Variants in DIS3L2 observed in about 807,000 individuals in gnomAD.
DIS3L2 encodes the protein DIS3-like exonuclease 2.
A neutral mutation model predicts 97.5 loss-of-function variants in DIS3L2; 34 were observed. That is an observed-to-expected ratio of 0.35 (90% confidence interval 0.27 to 0.46). The LOEUF (loss-of-function observed/expected upper bound fraction) is 0.46. DIS3L2 is among the 20% of genes least tolerant of loss of function. The probability of loss-of-function intolerance (pLI) is 1.00; values close to 1 mark genes in which losing one functional copy is unlikely to be tolerated. For missense variants in DIS3L2, 1,038 were observed against 1,146.0 expected (o/e 0.91, Z 1.36); for synonymous variants, 435 against 445.2 (o/e 0.98, Z 0.29).
intron 10 of DIS3L2, among the ~76,000 whole-genome samples, chr2:232,222,316 G>T (rs1347827330): frequency 8.0e-6 from 1 of 124,334 alleles, no homozygotes; most frequent in Admixed American, 8.6e-5. Flanking sequence ...GTCTCAGGCA[G>T]ATCCCAGGCA....
At chr2:231,981,597 T>TA (rs1693257806) in intron 1 of DIS3L2, among the ~76,000 whole-genome samples, 16 of 97,900 alleles carry the variant, frequency 1.6e-4, no homozygotes, top group Middle Eastern at 4.5e-3. Context: ...TGTTAAGTAT[T>TA]TTATATATAT....
intron 13 of DIS3L2, among the ~76,000 whole-genome samples, chr2:232,266,757 T>C (rs965063833): frequency 1.3e-5 from 2 of 152,250 alleles, no homozygotes; most frequent in Admixed American, 6.5e-5. Context: ...TGTTCTCTGA[T>C]GCTTTGTTTG....
At chr2:231,984,507 C>T (rs1338823941) in intron 1 of DIS3L2, among the ~76,000 whole-genome samples, 3 of 151,594 alleles carry the variant, frequency 2.0e-5, no homozygotes, top group Non-Finnish European at 4.4e-5. Flanking sequence ...CTGCCTCAGC[C>T]TCCCAAGTAG....
chr2:232,124,215 C>A (rs1697990472), intron 6 of DIS3L2, among the ~76,000 whole-genome samples: 1 of 152,066 alleles, frequency 6.6e-6, no homozygotes, highest in South Asian at 2.1e-4. Context: ...ACACAAACAA[C>A]AGAAGTGGCC....
intron 10 of DIS3L2, among the ~76,000 whole-genome samples, chr2:232,220,795 A>G (rs963124618): frequency 2.0e-5 from 3 of 152,102 alleles, no homozygotes; most frequent in Non-Finnish European, 4.4e-5. Flanking sequence ...TGTTGGTGAG[A>G]CATTGGAAAT....
intron 6 of DIS3L2, among the ~76,000 whole-genome samples, chr2:232,104,058 G>T (rs903745116): frequency 1.2e-4 from 18 of 151,484 alleles, no homozygotes; most frequent in African/African-American, 4.4e-4. Flanking sequence ...AATGGAAATA[G>T]ATTTCTGCCA....
At chr2:232,326,208 T>C (rs1285203097) in intron 14 of DIS3L2, among the ~76,000 whole-genome samples, 1 of 151,990 alleles carries the variant, frequency 6.6e-6, no homozygotes, top group African/African-American at 2.4e-5. Flanking sequence ...CGCCACCTGC[T>C]GGCCCACCAG....
intron 8 of DIS3L2, among the ~76,000 whole-genome samples, chr2:232,159,700 G>T (rs892521372): frequency 1.3e-5 from 2 of 152,110 alleles, no homozygotes; most frequent in Non-Finnish European, 2.9e-5. Flanking sequence ...TCTTCTTTCT[G>T]CTCCAAGGGA....
At chr2:232,125,028 A>T (rs1192631403) in intron 6 of DIS3L2, among the ~76,000 whole-genome samples, 3 of 152,202 alleles carry the variant, frequency 2.0e-5, no homozygotes, top group African/African-American at 7.2e-5. Context: ...CACCTCATTT[A>T]TACACACACG....
intron 6 of DIS3L2, among the ~76,000 whole-genome samples, chr2:232,090,270 C>T (rs1338235103): frequency 2.0e-5 from 3 of 152,056 alleles, no homozygotes; most frequent in Non-Finnish European, 2.9e-5. Context: ...TCACTGAGTA[C>T]GTTACAAGCC....
chr2:232,092,137 T>C (rs1283072366), intron 6 of DIS3L2, among the ~76,000 whole-genome samples: 1 of 152,228 alleles, frequency 6.6e-6, no homozygotes, highest in Non-Finnish European at 1.5e-5. Context: ...CTCAGCACCA[T>C]TTATTGAAGA....
At chr2:232,034,944 T>G (rs969041329) in intron 5 of DIS3L2, among the ~76,000 whole-genome samples, 29 of 152,364 alleles carry the variant, frequency 1.9e-4, no homozygotes, top group African/African-American at 7.0e-4. Context: ...GTATATTTTG[T>G]TGATTTGGGG....
chr2:232,063,615 A>G (rs1427060259), intron 5 of DIS3L2, among the ~76,000 whole-genome samples: 1 of 152,250 alleles, frequency 6.6e-6, no homozygotes, highest in Non-Finnish European at 1.5e-5. Context: ...CTCATGACCT[A>G]TGCTGCATTC....
chr2:232,207,304 A>G (rs1291141629), intron 9 of DIS3L2, among the ~76,000 whole-genome samples: 2 of 152,184 alleles, frequency 1.3e-5, no homozygotes, highest in Non-Finnish European at 2.9e-5. Flanking sequence ...TTGTGAGCCA[A>G]GTTCAAGATC....
chr2:232,013,666 G>A (rs929077868), intron 1 of DIS3L2, among the ~76,000 whole-genome samples: 9 of 152,160 alleles, frequency 5.9e-5, no homozygotes, highest in Admixed American at 5.9e-4. Context: ...ATTCTGTCTA[G>A]TGTAGTGCCC....
At chr2:232,079,626 GTAAA>G (rs1174687254) in intron 5 of DIS3L2, among the ~76,000 whole-genome samples, 6 of 103,276 alleles carry the variant, frequency 5.8e-5, no homozygotes, top group African/African-American at 2.4e-4. Flanking sequence ...AAAAAAAAAA[GTAAA>G]GAAAAGAAAG....
At chr2:232,173,351 C>T (rs538527722) in intron 9 of DIS3L2, among the ~76,000 whole-genome samples, 1 of 152,248 alleles carries the variant, frequency 6.6e-6, no homozygotes, top group South Asian at 2.1e-4. Context: ...CTGCCTCAGC[C>T]TCCCAAGTAG....
intron 14 of DIS3L2, among the ~76,000 whole-genome samples, chr2:232,308,346 C>A (rs1438481948): frequency 6.6e-6 from 1 of 152,212 alleles, no homozygotes; most frequent in African/African-American, 2.4e-5. Flanking sequence ...GCTGGCAGAT[C>A]CGTTGTCCCT....
intron 10 of DIS3L2, among the ~76,000 whole-genome samples, chr2:232,214,743 A>G (rs980522567): frequency 6.6e-6 from 1 of 152,214 alleles, no homozygotes; most frequent in Non-Finnish European, 1.5e-5. Context: ...ATTCTGTTCA[A>G]TTAGTCAAGC....
Sources: gnomAD v4.1 joint callset for allele counts (sites outside exome capture counted in the v4.1 genomes callset) on GRCh38, gnomAD v4.1.1 for gene constraint, MANE v1.5 for transcripts, NCBI Gene and HGNC (gene_info 2026-07-23, HGNC 2026-07-21) for gene names.